Variants in KIRREL3 observed in about 807,000 individuals in gnomAD.
KIRREL3 encodes kirre like nephrin family adhesion molecule 3.
In KIRREL3, 36 loss-of-function variants were observed where a neutral mutation model predicts 89.7. The ratio of observed to expected loss-of-function variants is 0.40; its 90% CI spans 0.31 to 0.53. The LOEUF is 0.53. Among genes scored for constraint, KIRREL3 ranks in the 20% least tolerant of loss-of-function variants. The probability of loss-of-function intolerance (pLI) is 0.49; values close to 1 mark genes in which losing one functional copy is unlikely to be tolerated. For missense variants in KIRREL3, 864 were observed against 1,056.6 expected, an observed-to-expected ratio of 0.82 and a Z score of 2.53; for synonymous variants, 445 against 441.4, an observed-to-expected ratio of 1.01 and a Z score of -0.10.
chr11:126,871,787 T>C (rs1282483955), intron 1 of KIRREL3, among the ~76,000 whole-genome samples: 1 of 152,198 alleles, frequency 6.6e-6, no homozygotes, highest in African/African-American at 2.4e-5. Flanking sequence ...GACCTGAGTC[T>C]GGCACTGAAA....
In KIRREL3 at chr11:126,994,303, C is replaced by T. The variant is rs1345131627; in HGVS notation, c.55+6152G>A. ...GATGCAGGCAGGTGTCTGTGTTTGG[C>T]TGCCCCCTTTGCAGTTATTTCCAAG... On this transcript the variant is annotated intron_variant, in intron 1 of 16. Transcript: ENST00000525144. The surrounding 1 kb of genome is among the most constrained non-coding windows in gnomAD (Gnocchi z 5.2). Among the ~76,000 whole-genome samples, 2 of 152,108 alleles carry T rather than the reference C, an allele frequency of 1.3e-5. No individual in the cohort carries two copies. The highest frequency in any genetic ancestry group is 2.9e-5 in the Non-Finnish European group (2 of 68,014).
At position 126,668,840 on chromosome 11, in the gene KIRREL3, C is replaced by T. The variant is rs35823454; in HGVS notation, c.56-105928G>A. On this transcript the variant is annotated intron_variant, in intron 1 of 16. Coordinates refer to ENST00000525144, the MANE Select transcript of KIRREL3 (RefSeq NM_032531.4). The surrounding 1 kb of genome is among the most constrained non-coding windows in gnomAD (Gnocchi z 4.4). ...AATAATGTTTGGCTCCATTTTAAAC[C>T]CCTGGCTCTGAGTGTGCTGCTAAGA... 4.0e-3 allele frequency among the ~76,000 whole-genome samples: 601 copies of T among 151,604 alleles called. 2 individuals carry two copies. Among genetic ancestry groups the T allele is most frequent in the Non-Finnish European group, 6.7e-3 (454 of 67,948 alleles).
chr11:126,737,838 A>T (rs1204414518), intron 1 of KIRREL3, among the ~76,000 whole-genome samples: 1 of 152,170 alleles, frequency 6.6e-6, no homozygotes, highest in Non-Finnish European at 1.5e-5. Context: ...GTATCCATCA[A>T]CTCAAGCATT....
At chr11:126,762,973 C>T (rs2134273718) in intron 1 of KIRREL3, among the ~76,000 whole-genome samples, 1 of 152,310 alleles carries the variant, frequency 6.6e-6, no homozygotes, top group Admixed American at 6.5e-5. Context: ...TTGTGGCTGA[C>T]AGCTGTGGGG....
rs541704895 is a variant in KIRREL3, at chr11:126,609,169, G to A, written c.56-46257C>T. Among the ~76,000 whole-genome samples the A allele has an allele frequency of 1.1e-4, 17 of 152,250 alleles. No homozygotes were observed. The highest frequency in any genetic ancestry group is 4.1e-4 in the African/African-American group (17 of 41,552). On this transcript the variant is annotated intron_variant, in intron 1 of 16. Transcript: ENST00000525144. The surrounding 1 kb of genome is among the most constrained non-coding windows in gnomAD (Gnocchi z 5.0). ...AGCCCAGGTTGGGTTTGTTTTCCCC[G>A]CTCTGAGACCGGACCTCAGGAAAGG... is the stretch of plus-strand genomic sequence containing the variant.
At chr11:126,470,790 G>C (rs1046129437) in intron 5 of KIRREL3, among the ~76,000 whole-genome samples, 10 of 152,126 alleles carry the variant, frequency 6.6e-5, no homozygotes, top group African/African-American at 2.2e-4. Context: ...AGGAATTGTG[G>C]TTCCAGGCCT....
At chr11:126,756,195 G>C (rs552238462) in intron 1 of KIRREL3, among the ~76,000 whole-genome samples, 3 of 152,314 alleles carry the variant, frequency 2.0e-5, no homozygotes, top group African/African-American at 7.2e-5. Context: ...AATTAACAAT[G>C]ATGATAATCA....
chr11:126,765,044 T>C (rs941796795), intron 1 of KIRREL3, among the ~76,000 whole-genome samples: 1 of 152,204 alleles, frequency 6.6e-6, no homozygotes, highest in Non-Finnish European at 1.5e-5. Flanking sequence ...CAGGCAATCA[T>C]GACATTCCTA....
chr11:126,425,812 G>T, intron 15 of KIRREL3, 88 bp from the exon 16 acceptor site: 1 of 1,099,658 alleles, frequency 9.1e-7, no homozygotes, highest in Non-Finnish European at 1.3e-6. Context: ...AAACTCAAAA[G>T]ATTGCCCTGT....
Position 126,611,212 on chromosome 11 carries a change from C to T in KIRREL3, c.56-48300G>A, listed in dbSNP as rs1679454470. Among the ~76,000 whole-genome samples the T allele has an allele frequency of 6.6e-6, 1 of 152,206 alleles. No homozygotes were observed. Among genetic ancestry groups the T allele is most frequent in the Admixed American group, 6.5e-5 (1 of 15,286 alleles). On this transcript the variant is annotated intron_variant, in intron 1 of 16. Coordinates refer to ENST00000525144, the MANE Select transcript of KIRREL3 (RefSeq NM_032531.4). The surrounding 1 kb of genome is among the most constrained non-coding windows in gnomAD (Gnocchi z 4.7). ...CGTGGGGAAATGAAACGAGAGAATACATGTAACGTTCTTGGCTCACAGCGC... is the reference window on the plus strand; with the variant it reads ...CGTGGGGAAATGAAACGAGAGAATATATGTAACGTTCTTGGCTCACAGCGC...
Position 126,446,891 on chromosome 11 carries a change from G to C in KIRREL3, c.998-5C>G. On this transcript the variant is annotated splice_region_variant and splice_polypyrimidine_tract_variant and intron_variant, in intron 8 of 16. Transcript: ENST00000525144. ...CTGTGGTCATCCGGGGCCCAACTGC[G>C]ATGTGAGGAAGAAGAAGACAGGTTC... 1 of 1,604,772 alleles carries C rather than the reference G, an allele frequency of 6.2e-7. No homozygotes were observed. Among genetic ancestry groups the C allele is most frequent in the Non-Finnish European group, 8.5e-7 (1 of 1,175,838 alleles).
intron 1 of KIRREL3, among the ~76,000 whole-genome samples, chr11:126,849,504 C>A (rs1309939313): frequency 2.0e-5 from 3 of 152,090 alleles, no homozygotes; most frequent in Non-Finnish European, 4.4e-5. Context: ...GGATTGAGGC[C>A]CCTTTCCAGT....
At chr11:126,801,974 G>A (rs1951050208) in intron 1 of KIRREL3, among the ~76,000 whole-genome samples, 1 of 152,064 alleles carries the variant, frequency 6.6e-6, no homozygotes, top group Non-Finnish European at 1.5e-5. Context: ...TCTAAGAAAA[G>A]CAAAAGTAAG....
intron 6 of KIRREL3, among the ~76,000 whole-genome samples, chr11:126,460,342 G>A (rs1490051223): frequency 6.6e-6 from 1 of 152,206 alleles, no homozygotes; most frequent in African/African-American, 2.4e-5. Context: ...ACTGCGCTAG[G>A]GGGCTTGACA....
rs1361880876 is a variant in KIRREL3 at position 126,677,925 on chromosome 11, A to C, written c.56-115013T>G. Among the ~76,000 whole-genome samples, 3 of 152,078 alleles carry C rather than the reference A, an allele frequency of 2.0e-5. No homozygotes were observed. Among genetic ancestry groups the C allele is most frequent in the Non-Finnish European group, 4.4e-5 (3 of 68,012 alleles). On this transcript the variant is annotated intron_variant, in intron 1 of 16. Transcript: ENST00000525144. This position sits in a 1 kb window ranked among gnomAD's most constrained non-coding sequence, Gnocchi z 5.1. ...TGTCACCACCAAGCCCTGTCTTGTC[A>C]TCAGCCTCAGTGTCAGGCCCTGGGA...
At chr11:126,809,187 G>T (rs1349516576) in intron 1 of KIRREL3, among the ~76,000 whole-genome samples, 1 of 152,114 alleles carries the variant, frequency 6.6e-6, no homozygotes, top group Non-Finnish European at 1.5e-5. Flanking sequence ...GCAGAGGAGG[G>T]TCACCCAGTC....
At chr11:126,588,933 C>A (rs879849296) in intron 1 of KIRREL3, among the ~76,000 whole-genome samples, 1 of 152,144 alleles carries the variant, frequency 6.6e-6, no homozygotes, top group Admixed American at 6.5e-5. Flanking sequence ...GTCACTCCAG[C>A]AGGGAGCTTG....
chr11:126,923,687 A>G lies in KIRREL3; in HGVS notation c.55+76768T>C, dbSNP rs533813033. On this transcript the variant is annotated intron_variant, in intron 1 of 16. Transcript: ENST00000525144. ...TCGAACTCTTGAGCTCAGGCAATCC[A>G]CCCACCTCGGCCTCCCAAAGTGCTA... Among the ~76,000 whole-genome samples the G allele has an allele frequency of 9.9e-5, 15 of 151,832 alleles. No homozygotes were observed. The South Asian group carries it at 2.9e-3, about 29-fold the overall frequency.
At chr11:126,439,459 G>A (rs1285236377) in intron 11 of KIRREL3, among the ~76,000 whole-genome samples, 2 of 145,216 alleles carry the variant, frequency 1.4e-5, no homozygotes, top group East Asian at 2.2e-4. Context: ...TCCCACCTCA[G>A]CCTTCCAAAG....
Sources: gnomAD v4.1 joint callset for allele counts (sites outside exome capture counted in the v4.1 genomes callset) on GRCh38, gnomAD v4.1.1 for gene constraint, Gnocchi (gnomAD v3.1) non-coding constraint, MANE v1.5 for transcripts, NCBI Gene and HGNC (gene_info 2026-07-23, HGNC 2026-07-21) for gene names.